The following FAM111B variants were observed in gnomAD, a reference collection of about 807,000 sequenced individuals.
FAM111B encodes serine protease FAM111B.
FAM111B carries 1 observed loss-of-function variant against 2.8 expected under a neutral mutation model. That is an observed-to-expected ratio of 0.36 (90% CI 0.13 to 1.70). The LOEUF (loss-of-function observed/expected upper bound fraction) is 1.70, where lower values mean the gene tolerates loss of function less well. Among genes scored for constraint, FAM111B ranks in the 40% most tolerant of loss-of-function variants. FAM111B has a pLI of 0.35. For synonymous variants in FAM111B, 297 were observed against 295.6 expected, an observed-to-expected ratio of 1.00 and a Z score of -0.05; for missense variants, 882 against 878.9, an observed-to-expected ratio of 1.00 and a Z score of -0.04.
In FAM111B at chr11:59,125,791, T is replaced by C; in HGVS notation, c.1694T>C (p.Ile565Thr). Residue 565 changes from isoleucine (I) to threonine (T), a missense_variant, in exon 4 of 4, where the codon ATT becomes ACT. Coordinates refer to ENST00000343597, the MANE Select transcript of FAM111B (RefSeq NM_198947.4). ...NAFPPGLWRQ[I>T]SPQPSTGLIY... Reference sequence around the variant, plus strand: ...TTTCCTCCAGGACTATGGCGACAGATTTCTCCTCAACCATCTACTGGTTTG... The same window carrying C: ...TTTCCTCCAGGACTATGGCGACAGACTTCTCCTCAACCATCTACTGGTTTG... The C allele has an allele frequency of 6.2e-7, 1 of 1,613,888 alleles. No individual in the cohort carries two copies. The highest frequency in any genetic ancestry group is 8.5e-7 in the Non-Finnish European group (1 of 1,179,830).
intron 3 of FAM111B, among the ~76,000 whole-genome samples, chr11:59,110,163 C>T (rs187667749): frequency 2.0e-5 from 3 of 152,234 alleles, no homozygotes; most frequent in Admixed American, 2.0e-4. Flanking sequence ...GGATTTAAAC[C>T]TAGTCCATCA....
intron 3 of FAM111B, among the ~76,000 whole-genome samples, chr11:59,119,564 G>C (rs778780183): frequency 6.6e-6 from 1 of 152,006 alleles, no homozygotes; most frequent in Non-Finnish European, 1.5e-5. Flanking sequence ...TTTTCCAAAG[G>C]CTTTAGTTTT....
intron 1 of FAM111B, among the ~76,000 whole-genome samples, chr11:59,107,611 T>C (rs1354918072): frequency 6.6e-6 from 1 of 152,112 alleles, no homozygotes; most frequent in African/African-American, 2.4e-5. Context: ...GCAGAAACTA[T>C]TCACTGATCA....
At position 59,124,854 on chromosome 11, in the gene FAM111B, C is replaced by G; in HGVS notation, c.757C>G (p.Gln253Glu). The G allele has an allele frequency of 6.2e-7, 1 of 1,613,360 alleles. No individual in the cohort carries two copies. Residue 253 changes from glutamine to glutamate, a missense_variant, in exon 4 of 4, where the codon CAG (glutamine) becomes GAG (glutamate). Coordinates refer to ENST00000343597, the MANE Select transcript of FAM111B (RefSeq NM_198947.4). ...AGGTCATAAGAAAATTTATGGAAAA[C>G]AGTCCATGGTGGATGAAGTATCTGG... ...KEGHKKIYGK[Q>E]SMVDEVSGKV...
chr11:59,116,162 T>G (rs1859838550), intron 3 of FAM111B, among the ~76,000 whole-genome samples: 1 of 152,196 alleles, frequency 6.6e-6, no homozygotes, highest in East Asian at 1.9e-4. Flanking sequence ...TCTACTCAGA[T>G]TCCACCTAGA....
intron 3 of FAM111B, among the ~76,000 whole-genome samples, chr11:59,111,569 T>G (rs1388639562): frequency 6.6e-6 from 1 of 152,220 alleles, no homozygotes; most frequent in Non-Finnish European, 1.5e-5. Flanking sequence ...TGTGATTATG[T>G]AAATTTAAAT....
intron 3 of FAM111B, among the ~76,000 whole-genome samples, chr11:59,111,092 A>G (rs1435982406): frequency 6.6e-6 from 1 of 152,128 alleles, no homozygotes; most frequent in Non-Finnish European, 1.5e-5. Flanking sequence ...TTTTCATGTT[A>G]TCCCCTGGCT....
intron 3 of FAM111B, among the ~76,000 whole-genome samples, chr11:59,112,237 T>C (rs138535917): frequency 0.012 from 1,899 of 152,342 alleles, 17 homozygotes; most frequent in Non-Finnish European, 0.017. Flanking sequence ...TTCCAGAACA[T>C]CATATAAATG....
At chr11:59,115,641 TG>T (rs1249288434) in intron 3 of FAM111B, among the ~76,000 whole-genome samples, 1 of 152,214 alleles carries the variant, frequency 6.6e-6, no homozygotes, top group Non-Finnish European at 1.5e-5. Context: ...GCATGATGTA[TG>T]CTAATATCAT....
intron 3 of FAM111B, among the ~76,000 whole-genome samples, chr11:59,112,282 T>G (rs1859771909): frequency 6.6e-6 from 1 of 152,242 alleles, no homozygotes; most frequent in Non-Finnish European, 1.5e-5. Context: ...TGAGTCTGGC[T>G]TCTTTCACTT....
intron 1 of FAM111B, 56 bp from the exon 2 acceptor site, chr11:59,108,612 C>G (rs1590886082): frequency 6.5e-6 from 1 of 152,936 alleles, no homozygotes; most frequent in East Asian, 1.9e-4. Context: ...CAGTTCCTTG[C>G]AAACCATTGT....
chr11:59,120,483 G>A (rs1246906794), intron 3 of FAM111B, among the ~76,000 whole-genome samples: 1 of 152,130 alleles, frequency 6.6e-6, no homozygotes, highest in African/African-American at 2.4e-5. Context: ...GTCTCTTAGG[G>A]GTAATAAAGT....
chr11:59,116,984 G>T (rs977392483), intron 3 of FAM111B, among the ~76,000 whole-genome samples: 1 of 152,214 alleles, frequency 6.6e-6, no homozygotes, highest in Non-Finnish European at 1.5e-5. Context: ...AGGTCTCTGA[G>T]GCAGTGATAG....
At chr11:59,115,262 T>C (rs547342639) in intron 3 of FAM111B, among the ~76,000 whole-genome samples, 1 of 152,200 alleles carries the variant, frequency 6.6e-6, no homozygotes, top group Non-Finnish European at 1.5e-5. Flanking sequence ...GTTGAGTCTG[T>C]TACAATCTGG....
At chr11:59,119,970 A>G (rs1859896644) in intron 3 of FAM111B, among the ~76,000 whole-genome samples, 3 of 152,204 alleles carry the variant, frequency 2.0e-5, no homozygotes, top group Admixed American at 2.0e-4. Flanking sequence ...AATGATTGTA[A>G]AGTAGCATAT....
rs150963548 is a variant in FAM111B at position 59,125,114 on chromosome 11, C to T, written c.1017C>T (p.Arg339=). 10 of 1,613,642 alleles carry T rather than the reference C, an allele frequency of 6.2e-6. No homozygotes were observed. In the African/African-American group the frequency reaches 1.2e-4, roughly 19 times the overall value. Residue 339 remains arginine, a synonymous_variant, in exon 4 of 4, where the codon CGC becomes CGT. Transcript: ENST00000343597. The stretch of plus-strand genomic sequence containing the variant: ...GCCATTATATTAAAGATAAAACTCG[C>T]CAGACAATTCCCAGGATTAGAAATT... The part of the protein sequence containing the change: ...DLSHYIKDKT[R]QTIPRIRNYY...
At chr11:59,119,044 G>A (rs952414080) in intron 3 of FAM111B, among the ~76,000 whole-genome samples, 1 of 152,166 alleles carries the variant, frequency 6.6e-6, no homozygotes, top group Non-Finnish European at 1.5e-5. Flanking sequence ...CACGAATTAT[G>A]ATGTTTTCCC....
chr11:59,121,270 TAAAAAG>T (rs1859917281), intron 3 of FAM111B, among the ~76,000 whole-genome samples: 1 of 151,964 alleles, frequency 6.6e-6, no homozygotes, highest in Middle Eastern at 3.4e-3. Flanking sequence ...GAATCAATAA[TAAAAAG>T]AAAAATAATC....
intron 3 of FAM111B, 198 bp downstream of exon 3, chr11:59,109,904 T>TA: frequency 8.2e-6 from 3 of 363,720 alleles, no homozygotes; most frequent in Non-Finnish European, 1.5e-5. Flanking sequence ...AAACGTATGT[T>TA]AAGACAACAA....
Sources: allele counts gnomAD v4.1 joint callset (sites outside exome capture counted in the v4.1 genomes callset), GRCh38; gene constraint gnomAD v4.1.1; transcripts MANE v1.5; gene names NCBI Gene and HGNC (gene_info 2026-07-23, HGNC 2026-07-21).